The following MYH4 variants were observed in gnomAD, a reference collection of about 807,000 sequenced individuals.
The protein encoded by MYH4 is myosin-4.
A neutral mutation model predicts 229.9 loss-of-function variants in MYH4; 200 were observed. The observed-to-expected ratio is 0.87, with a 90% CI of 0.78 to 0.98. MYH4 has a LOEUF of 0.98. Among genes scored for constraint, MYH4 ranks in the 50% least tolerant of loss-of-function variants. The probability of loss-of-function intolerance (pLI) is 0.00; values close to 1 mark genes in which losing one functional copy is unlikely to be tolerated. For synonymous variants in MYH4, 761 were observed against 834.6 expected, an observed-to-expected ratio of 0.91 and a Z score of 1.52; for missense variants, 2,148 against 2,332.6, an observed-to-expected ratio of 0.92 and a Z score of 1.63.
chr17:10,460,839 T>G lies in MYH4; in HGVS notation c.1147+77A>C, dbSNP rs111450696. 803 of 1,534,164 alleles carry G rather than the reference T, an allele frequency of 5.2e-4. 5 individuals carry two copies. In the African/African-American group the frequency reaches 1.0e-2, roughly 19 times the overall value. On this transcript the variant is annotated intron_variant, in intron 12 of 39. Transcript: ENST00000255381. Reference sequence around the variant, plus strand: ...CCTTCACGAGCTAGGTCAGAGAAAGTAAAAACACGGTCCCTGCCTCTGAAA... The same window carrying G: ...CCTTCACGAGCTAGGTCAGAGAAAGGAAAAACACGGTCCCTGCCTCTGAAA...
chr17:10,450,714 G>A lies in MYH4; in HGVS notation c.3984+63C>T, dbSNP rs974855611. Reference sequence around the variant, plus strand: ...TGATCATTGAAATTCTCTATGCAAAGTTCAATAGTGTGTTATGTTGCACGG... The same window carrying A: ...TGATCATTGAAATTCTCTATGCAAAATTCAATAGTGTGTTATGTTGCACGG... On this transcript the variant is annotated intron_variant, in intron 29 of 39. Transcript: ENST00000255381. 7.5e-6 allele frequency: 12 copies of A among 1,609,874 alleles called. No individual in the cohort carries two copies. The African/African-American group carries it at 1.3e-4, about 18-fold the overall frequency.
chr17:10,465,477 G>A lies in MYH4; in HGVS notation c.470C>T (p.Ser157Phe). The change falls in exon 5 of 40, where the codon TCC becomes TTC. Residue 157 changes from serine (S) to phenylalanine (F), a missense_variant. Coordinates refer to ENST00000255381, the MANE Select transcript of MYH4 (RefSeq NM_017533.2). The part of the protein sequence containing the change: ...KRQEAPPHIF[S>F]ISDNAYQFML... Reference sequence around the variant, plus strand: ...GAACTGATAGGCATTGTCAGAGATGGAGAAGATATGGGGTGGGGCCTCCTG... The same window carrying A: ...GAACTGATAGGCATTGTCAGAGATGAAGAAGATATGGGGTGGGGCCTCCTG... 2 of 1,614,102 alleles carry A rather than the reference G, an allele frequency of 1.2e-6. No individual in the cohort carries two copies. The highest frequency in any genetic ancestry group is 1.7e-6 in the Non-Finnish European group (2 of 1,180,022).
rs2072773551 is a variant in MYH4, at chr17:10,466,810, ATGATTCAGGGTTGGGG to A, written c.-39-42_-39-27del. On this transcript the variant is annotated intron_variant, in intron 2 of 39. Transcript: ENST00000255381. ...CTAGAGGAAGAAACAGAGCCAAATG[ATGATTCAGGGTTGGGG>A]TGGAGAATTGTTCTGTTGATTTCAT... 4.4e-6 allele frequency: 7 copies of A among 1,581,890 alleles called. No individual in the cohort carries two copies. In the South Asian group the frequency reaches 6.7e-5, roughly 15 times the overall value.
At position 10,454,936 on chromosome 17, in the gene MYH4, C is replaced by T. The variant is rs1483149475; in HGVS notation, c.2435+5G>A. ...GAGCAGGAAGACTTGTGTGTGGGCTCTCACCTCCTCTCCATCATCTTTCTG... is the reference window on the plus strand; with the variant it reads ...GAGCAGGAAGACTTGTGTGTGGGCTTTCACCTCCTCTCCATCATCTTTCTG... On this transcript the variant is annotated splice_donor_5th_base_variant and intron_variant, in intron 21 of 39. Coordinates refer to ENST00000255381, the MANE Select transcript of MYH4 (RefSeq NM_017533.2). The T allele has an allele frequency of 3.1e-6, 5 of 1,614,008 alleles. No homozygotes were observed. The highest frequency in any genetic ancestry group is 2.2e-5 in the South Asian group (2 of 91,064).
At chr17:10,465,319 T>C in intron 5 of MYH4, 123 bp downstream of exon 5, 1 of 1,283,620 alleles carries the variant, frequency 7.8e-7, no homozygotes. Context: ...TTCCCTAATT[T>C]TATTATTTCT....
chr17:10,456,903 T>C (rs1244444345), intron 16 of MYH4, among the ~76,000 whole-genome samples: 1 of 152,184 alleles, frequency 6.6e-6, no homozygotes, highest in Non-Finnish European at 1.5e-5. Flanking sequence ...CAGGCCTCAC[T>C]TGGACAACAG....
At chr17:10,449,594 T>C (rs2072550046) in intron 30 of MYH4, among the ~76,000 whole-genome samples, 1 of 152,214 alleles carries the variant, frequency 6.6e-6, no homozygotes, top group South Asian at 2.1e-4. Context: ...TTAAGCATTT[T>C]CTAGTATGGT....
At chr17:10,446,908 C>T in intron 35 of MYH4, 105 bp downstream of exon 35, 2 of 1,204,548 alleles carry the variant, frequency 1.7e-6, no homozygotes, top group Non-Finnish European at 2.3e-6. Context: ...TCCAGAGCTC[C>T]AGGAAGGGAC....
chr17:10,464,378 C>T lies in MYH4; in HGVS notation c.648+94G>A, dbSNP rs570635495. ...GCTGCATAGTATTCCATGGTGTATACGTACTACATTTTCTGTATACAGTCT... is the reference window on the plus strand; with the variant it reads ...GCTGCATAGTATTCCATGGTGTATATGTACTACATTTTCTGTATACAGTCT... On this transcript the variant is annotated intron_variant, in intron 7 of 39. Transcript: ENST00000255381. 5.1e-5 allele frequency: 54 copies of T among 1,056,462 alleles called. 2 individuals are homozygous for T. In the South Asian group the frequency reaches 6.5e-4, roughly 13 times the overall value. 65.4% of individuals were successfully genotyped at this position (1,056,462 alleles called of 1,614,324 possible). A position where few individuals can be genotyped will look rare whatever the true frequency, so the allele number is the denominator to read the frequency against.
intron 35 of MYH4, 44 bp from the exon 36 acceptor site, chr17:10,445,406 A>G: frequency 2.5e-6 from 4 of 1,609,134 alleles, no homozygotes; most frequent in Non-Finnish European, 3.4e-6. Flanking sequence ...ATTTACTTAT[A>G]ACAACTCACA....
In MYH4 at chr17:10,464,437, C is replaced by G. The variant is rs755075216; in HGVS notation, c.648+35G>C. 1.5e-5 allele frequency: 23 copies of G among 1,567,726 alleles called. 1 individual carries two copies. The East Asian group carries it at 4.9e-4, about 34-fold the overall frequency. On this transcript the variant is annotated intron_variant, in intron 7 of 39. Transcript: ENST00000255381. ...TGTGCACGTGGTTAGATTTTAAAAT[C>G]TGTTATTCTGTCCTTAGATGAATAT...
In MYH4 at chr17:10,459,559, G is replaced by T. The variant is rs2072678508; in HGVS notation, c.1417-138C>A. On this transcript the variant is annotated intron_variant, in intron 14 of 39. Transcript: ENST00000255381. Reference sequence around the variant, plus strand: ...CTTCAGATTGTTTTCCTATTATATAGTTCTAAACAAAGTAGAATTGATTCT... The same window carrying T: ...CTTCAGATTGTTTTCCTATTATATATTTCTAAACAAAGTAGAATTGATTCT... The T allele has an allele frequency of 1.3e-5, 19 of 1,425,792 alleles. No individual in the cohort carries two copies. The Middle Eastern group carries it at 5.7e-4, about 43-fold the overall frequency. 88.3% of individuals were successfully genotyped at this position (1,425,792 alleles called of 1,614,324 possible).
chr17:10,445,280 T>C lies in MYH4; in HGVS notation c.5252A>G (p.Glu1751Gly), dbSNP rs1222602512. ...IQGEMEDIVQ[E>G]ARNAEEKAKK... ...GGCCTTCTCCTCTGCATTGCGGGCT[T>C]CCTGGACGATGTCCTCCATCTCTCC... Residue 1751 changes from glutamate to glycine, a missense_variant, in exon 36 of 40, where the codon GAA (glutamate) becomes GGA (glycine). By Grantham distance (98) the Glu-to-Gly change is moderately conservative (BLOSUM62 -2). Coordinates refer to ENST00000255381, the MANE Select transcript of MYH4 (RefSeq NM_017533.2). The C allele has an allele frequency of 1.2e-6, 2 of 1,614,044 alleles. No homozygotes were observed. Among genetic ancestry groups the C allele is most frequent in the African/African-American group, 1.3e-5 (1 of 74,942 alleles).
intron 30 of MYH4, among the ~76,000 whole-genome samples, chr17:10,449,894 G>C (rs769294599): frequency 6.6e-6 from 1 of 152,076 alleles, no homozygotes; most frequent in Non-Finnish European, 1.5e-5. Flanking sequence ...ATTTAGAAAG[G>C]CTTCTTTCAC....
intron 18 of MYH4, 32 bp from the exon 19 acceptor site, chr17:10,455,763 T>A: frequency 6.2e-7 from 1 of 1,614,162 alleles, no homozygotes; most frequent in South Asian, 1.1e-5. Context: ...CCATACTTCG[T>A]GGTCTATCGC....
At position 10,450,527 on chromosome 17, in the gene MYH4, G is replaced by C. The variant is rs746847930; in HGVS notation, c.4107C>G (p.Asn1369Lys). 6.2e-7 allele frequency: 1 copy of C among 1,614,132 alleles called. No homozygotes were observed. Among genetic ancestry groups the C allele is most frequent in the South Asian group, 1.1e-5 (1 of 91,086 alleles). ...TGGTCCTCCACTGGGCAACCTCACT[G>C]TTGGCCTTGGACATTCCCCTCTGCA... ...AELQRGMSKA[N>K]SEVAQWRTKY... The change falls in exon 30 of 40, where the codon AAC becomes AAG. Residue 1369 changes from asparagine (N) to lysine (K), a missense_variant. Transcript: ENST00000255381.
Position 10,466,782 on chromosome 17 carries a change from T to G in MYH4, c.-37A>C. 883 of 1,602,340 alleles carry G rather than the reference T, an allele frequency of 5.5e-4. No individual in the cohort carries two copies. Among genetic ancestry groups the G allele is most frequent in the Non-Finnish European group, 6.8e-4 (797 of 1,169,534 alleles). On this transcript the variant is annotated splice_region_variant and 5_prime_UTR_variant, in exon 3 of 40. Transcript: ENST00000255381. ...ATTGATGGCAGTACTGGACTAGGTA[T>G]ACCTAGAGGAAGAAACAGAGCCAAA...
At chr17:10,455,320 A>C (rs773992095) in intron 19 of MYH4, 25 bp from the exon 20 acceptor site, 51 of 1,595,488 alleles carry the variant, frequency 3.2e-5, no homozygotes, top group Middle Eastern at 3.4e-4. Context: ...AGAATATAAA[A>C]ATGTGGTTTT....
At position 10,447,913 on chromosome 17, in the gene MYH4, C is replaced by G. The variant is rs2072529311; in HGVS notation, c.4870G>C (p.Gly1624Arg). The change falls in exon 34 of 40, where the codon GGA becomes CGA. Residue 1624 changes from glycine to arginine, a missense_variant. By Grantham distance (125) the Gly-to-Arg change is moderately radical. Transcript: ENST00000255381. ...DALRIKKKME[G>R]DLNEMEIQLN... is the part of the protein sequence containing the mutation. ...TGGATTTCCATTTCATTAAGATCTC[C>G]CTCCATCTTCTTCTTGATCCTCAGA... is the stretch of plus-strand genomic sequence containing the variant. The G allele has an allele frequency of 1.9e-6, 3 of 1,614,016 alleles. No homozygotes were observed. Among genetic ancestry groups the G allele is most frequent in the Non-Finnish European group, 2.5e-6 (3 of 1,179,982 alleles).
Sources: allele counts gnomAD v4.1 joint callset (sites outside exome capture counted in the v4.1 genomes callset), GRCh38; gene constraint gnomAD v4.1.1; transcripts MANE v1.5; gene names NCBI Gene and HGNC (gene_info 2026-07-23, HGNC 2026-07-21).